Variants in FSTL5 observed in about 807,000 individuals in gnomAD.
FSTL5 encodes follistatin like 5.
Under a neutral mutation model 89.1 loss-of-function variants are expected in FSTL5, and 62 were observed. That is an observed-to-expected ratio of 0.70 (90% CI 0.57 to 0.86). The LOEUF is 0.86. FSTL5 is among the 40% of genes least tolerant of loss of function. FSTL5 has a pLI of 0.00. For synonymous variants in FSTL5, 383 were observed against 346.2 expected, an observed-to-expected ratio of 1.11 and a Z score of -1.18; for missense variants, 1,057 against 1,001.6, an observed-to-expected ratio of 1.06 and a Z score of -0.75.
At chr4:161,824,419 A>G (rs139906182) in intron 4 of FSTL5, among the ~76,000 whole-genome samples, 2 of 152,260 alleles carry the variant, frequency 1.3e-5, no homozygotes, top group African/African-American at 4.8e-5. Context: ...CTATGGCCTT[A>G]TAATATAGTT....
chr4:161,386,368 GTTAA>G lies in FSTL5; in HGVS notation c.1919_1922del (p.Ile640ThrfsTer2). The G allele has an allele frequency of 6.2e-7, 1 of 1,613,808 alleles. No homozygotes were observed. Among genetic ancestry groups the G allele is most frequent in the Non-Finnish European group, 8.5e-7 (1 of 1,179,852 alleles). Reference sequence around the variant, plus strand: ...GAGGAACGCACTTATAGTCCTTCAAGTTAATTGTCTTGATGTATGACATGGTTTC... The same window carrying G: ...GAGGAACGCACTTATAGTCCTTCAAGTTGTCTTGATGTATGACATGGTTTC... On this transcript the variant is annotated frameshift_variant, in exon 16 of 16. Coordinates refer to ENST00000306100, the MANE Select transcript of FSTL5 (RefSeq NM_020116.5). LOFTEE classifies it low-confidence loss of function (END_TRUNC).
At chr4:161,877,890 G>C (rs564148256) in intron 4 of FSTL5, among the ~76,000 whole-genome samples, 47 of 151,558 alleles carry the variant, frequency 3.1e-4, no homozygotes, top group African/African-American at 1.0e-3. Context: ...TCCTGACCTC[G>C]TGATCTGCCC....
intron 4 of FSTL5, among the ~76,000 whole-genome samples, chr4:161,813,159 T>C (rs1011122877): frequency 6.6e-6 from 1 of 151,932 alleles, no homozygotes; most frequent in African/African-American, 2.4e-5. Context: ...CCCAAGCAGC[T>C]GGGACTACAG....
intron 4 of FSTL5, among the ~76,000 whole-genome samples, chr4:161,854,143 A>T (rs1731645896): frequency 6.6e-6 from 1 of 152,198 alleles, no homozygotes; most frequent in Non-Finnish European, 1.5e-5. Context: ...ACTGGCCAGG[A>T]GGAACAGGGA....
chr4:162,080,299 G>T (rs62331267), intron 2 of FSTL5, among the ~76,000 whole-genome samples: 1 of 151,498 alleles, frequency 6.6e-6, no homozygotes, highest in Non-Finnish European at 1.5e-5. Flanking sequence ...CTGGCTTAAT[G>T]TATTTAATGT....
intron 15 of FSTL5, among the ~76,000 whole-genome samples, chr4:161,406,259 T>C (rs1731370615): frequency 6.7e-6 from 1 of 149,946 alleles, no homozygotes; most frequent in Admixed American, 6.7e-5. Context: ...AACTTCCTTT[T>C]GATTTTTTCT....
rs1462568983 is a variant in FSTL5 at position 161,923,253 on chromosome 4, TTG to T, written c.161-2603_161-2602del. 2.6e-5 allele frequency among the ~76,000 whole-genome samples: 4 copies of T among 151,662 alleles called. No individual in the cohort carries two copies. In the East Asian group the frequency reaches 7.7e-4, roughly 29 times the overall value. ...TCCTGAGGGCTGCCAGATTCCTGAA[TTG>T]TTCTTTGTGCAAATAAACTCTGTTA... On this transcript the variant is annotated intron_variant, in intron 3 of 15. Coordinates refer to ENST00000306100, the MANE Select transcript of FSTL5 (RefSeq NM_020116.5).
intron 15 of FSTL5, among the ~76,000 whole-genome samples, chr4:161,407,969 C>T (rs960367601): frequency 6.6e-6 from 1 of 152,150 alleles, no homozygotes; most frequent in African/African-American, 2.4e-5. Context: ...GCCTGTGGCT[C>T]AGAAGGGCCT....
At chr4:161,666,227 A>C (rs1365495721) in intron 6 of FSTL5, among the ~76,000 whole-genome samples, 1 of 152,148 alleles carries the variant, frequency 6.6e-6, no homozygotes, top group Admixed American at 6.5e-5. Flanking sequence ...CATTAACAAA[A>C]CAATCAAGAA....
chr4:161,611,495 T>C (rs1278819739), intron 7 of FSTL5, among the ~76,000 whole-genome samples: 1 of 151,916 alleles, frequency 6.6e-6, no homozygotes, highest in African/African-American at 2.4e-5. Flanking sequence ...GTGTTACATG[T>C]TTTCATTTAT....
Position 161,385,211 on chromosome 4 carries a change from T to C in FSTL5, c.*536A>G, listed in dbSNP as rs959036792. ...AGAGATGTTTTTTAACAACAAGAGATTTATAGTTATGAGAGCATTTAGTAT... is the reference window on the plus strand; with the variant it reads ...AGAGATGTTTTTTAACAACAAGAGACTTATAGTTATGAGAGCATTTAGTAT... On this transcript the variant is annotated 3_prime_UTR_variant, in exon 16 of 16. Coordinates refer to ENST00000306100, the MANE Select transcript of FSTL5 (RefSeq NM_020116.5). The C allele has an allele frequency of 2.0e-5, 3 of 153,120 alleles. No individual in the cohort carries two copies. The highest frequency in any genetic ancestry group is 4.4e-5 in the Non-Finnish European group (3 of 68,478). 9.5% of individuals were successfully genotyped at this position (153,120 alleles called of 1,614,324 possible).
chr4:161,542,752 C>G, intron 8 of FSTL5, 59 bp from the exon 9 acceptor site: 2 of 1,176,780 alleles, frequency 1.7e-6, no homozygotes, highest in South Asian at 4.8e-5. Flanking sequence ...ATTTAATTTT[C>G]CAAAAGAAAA....
chr4:161,841,224 G>T (rs776104867), intron 4 of FSTL5, among the ~76,000 whole-genome samples: 10 of 152,072 alleles, frequency 6.6e-5, no homozygotes, highest in Non-Finnish European at 2.9e-5. Context: ...TTTCCTGCCA[G>T]AATCTGATTG....
At chr4:161,783,740 CTTTCTTT>C (rs1741778495) in intron 4 of FSTL5, among the ~76,000 whole-genome samples, 2 of 78,350 alleles carry the variant, frequency 2.6e-5, no homozygotes, top group Non-Finnish European at 5.0e-5. Context: ...TCTTTTCTTT[CTTTCTTT>C]CTTTCTTTCT....
At chr4:161,872,141 G>GTTTTTTTTTTTTTTTTTT (rs1171950770) in intron 4 of FSTL5, among the ~76,000 whole-genome samples, 2 of 79,564 alleles carry the variant, frequency 2.5e-5, no homozygotes, top group African/African-American at 1.1e-4. Context: ...TTTTTTTTTG[G>GTTTTTTTTTTTTTTTTTT]TTTTTTTTTT....
chr4:161,588,137 G>A (rs1471499472), intron 7 of FSTL5, among the ~76,000 whole-genome samples: 2 of 152,122 alleles, frequency 1.3e-5, no homozygotes, highest in Non-Finnish European at 2.9e-5. Flanking sequence ...ACGTGCCACT[G>A]CACTCCAGCC....
At chr4:162,144,833 C>A (rs1187361100) in intron 1 of FSTL5, among the ~76,000 whole-genome samples, 1 of 151,760 alleles carries the variant, frequency 6.6e-6, no homozygotes. Context: ...TTTATAAAAA[C>A]GTATGCTGTC....
At chr4:161,668,774 G>A (rs1736982813) in intron 6 of FSTL5, among the ~76,000 whole-genome samples, 1 of 152,064 alleles carries the variant, frequency 6.6e-6, no homozygotes, top group South Asian at 2.1e-4. Flanking sequence ...AAACGTGCAA[G>A]ATTTATATAA....
intron 15 of FSTL5, among the ~76,000 whole-genome samples, chr4:161,415,573 C>A (rs1465949174): frequency 6.6e-6 from 1 of 151,684 alleles, no homozygotes; most frequent in Non-Finnish European, 1.5e-5. Context: ...ACTTTTGAGC[C>A]CCACTTAGCT....
Sources: allele counts gnomAD v4.1 joint callset (sites outside exome capture counted in the v4.1 genomes callset), GRCh38; gene constraint gnomAD v4.1.1; transcripts MANE v1.5; gene names NCBI Gene and HGNC (gene_info 2026-07-23, HGNC 2026-07-21).